Variants in BBX observed in about 807,000 individuals in gnomAD.
BBX encodes HMG box transcription factor BBX.
Under a neutral mutation model 100.2 loss-of-function variants are expected in BBX, and 30 were observed. The observed-to-expected ratio is 0.30, with a 90% CI of 0.22 to 0.41. The LOEUF (loss-of-function observed/expected upper bound fraction) is 0.41, where lower values mean the gene tolerates loss of function less well. BBX is among the 10% of genes least tolerant of loss of function. The pLI is 1.00. For missense variants in BBX, 1,023 were observed against 1,129.8 expected, an observed-to-expected ratio of 0.91 and a Z score of 1.35; for synonymous variants, 376 against 388.1, an observed-to-expected ratio of 0.97 and a Z score of 0.37.
intron 3 of BBX, chr3:107,674,790 A>G (rs1440131468): frequency 2.6e-5 from 4 of 152,622 alleles, no homozygotes; most frequent in African/African-American, 9.7e-5. Flanking sequence ...CACTCCTCAG[A>G]CTTCTGTTAA....
At chr3:107,790,238 GACC>G (rs2107930048) in intron 14 of BBX, among the ~76,000 whole-genome samples, 1 of 152,186 alleles carries the variant, frequency 6.6e-6, no homozygotes, top group South Asian at 2.1e-4. Flanking sequence ...TTCATACCAT[GACC>G]ACATTTTCCT....
At chr3:107,614,268 C>A (rs970550743) in intron 2 of BBX, among the ~76,000 whole-genome samples, 1 of 152,066 alleles carries the variant, frequency 6.6e-6, no homozygotes, top group Non-Finnish European at 1.5e-5. Context: ...AATTTTTAAA[C>A]AGTGAACTTA....
chr3:107,810,179 C>T lies in BBX; in HGVS notation c.*4722C>T, dbSNP rs901434148. On this transcript the variant is annotated 3_prime_UTR_variant, in exon 18 of 18. Coordinates refer to ENST00000325805, the MANE Select transcript of BBX (RefSeq NM_001142568.3). ...ATCCCCATCTGTATGTGCTACCCTT[C>T]CTTCAAATATATAAATGTGCATCTT... The T allele has an allele frequency of 5.3e-5, 8 of 150,336 alleles. No homozygotes were observed. Among genetic ancestry groups the T allele is most frequent in the African/African-American group, 2.0e-4 (8 of 40,656 alleles). 9.3% of individuals were successfully genotyped at this position (150,336 alleles called of 1,614,324 possible).
intron 12 of BBX, among the ~76,000 whole-genome samples, chr3:107,776,629 G>C (rs940210357): frequency 4.4e-4 from 67 of 152,096 alleles, no homozygotes; most frequent in African/African-American, 1.5e-3. Context: ...CTCAGAAAAT[G>C]TGCTACCTGT....
chr3:107,792,270 C>A (rs556324518), intron 15 of BBX, among the ~76,000 whole-genome samples: 1 of 152,272 alleles, frequency 6.6e-6, no homozygotes, highest in East Asian at 1.9e-4. Context: ...TTAGGAGTCA[C>A]TTCATTTGAA....
At chr3:107,724,096 T>C (rs1278297248) in intron 5 of BBX, among the ~76,000 whole-genome samples, 3 of 152,252 alleles carry the variant, frequency 2.0e-5, no homozygotes, top group Non-Finnish European at 4.4e-5. Flanking sequence ...TTTTAATGAT[T>C]GCCATTGTAA....
intron 1 of BBX, among the ~76,000 whole-genome samples, chr3:107,525,821 A>G (rs2047727863): frequency 6.6e-6 from 1 of 150,728 alleles, no homozygotes. Context: ...TGTTTGGGAG[A>G]CGGCAGTGGC....
intron 3 of BBX, among the ~76,000 whole-genome samples, chr3:107,652,791 C>T (rs1181539095): frequency 6.6e-6 from 1 of 152,100 alleles, no homozygotes. Context: ...CTCCTAGGAT[C>T]TTCATATATT....
chr3:107,652,571 A>G (rs909210131), intron 3 of BBX, among the ~76,000 whole-genome samples: 2 of 152,240 alleles, frequency 1.3e-5, no homozygotes, highest in African/African-American at 4.8e-5. Flanking sequence ...TAACATTAAG[A>G]TCAATCTAAT....
At chr3:107,564,546 G>C (rs576698) in intron 2 of BBX, among the ~76,000 whole-genome samples, 1 of 152,074 alleles carries the variant, frequency 6.6e-6, no homozygotes. Context: ...GTTGTGAGAT[G>C]TAGATGAATC....
intron 2 of BBX, among the ~76,000 whole-genome samples, chr3:107,528,645 A>G (rs891466388): frequency 2.6e-5 from 4 of 152,334 alleles, no homozygotes; most frequent in East Asian, 1.9e-4. Context: ...TCATGTAGAC[A>G]TTGAATTTAG....
At chr3:107,561,299 A>T (rs2050477951) in intron 2 of BBX, among the ~76,000 whole-genome samples, 1 of 152,232 alleles carries the variant, frequency 6.6e-6, no homozygotes, top group African/African-American at 2.4e-5. Flanking sequence ...ATTCCAAGTG[A>T]GGACACATTG....
At chr3:107,707,658 A>G (rs946777762) in intron 3 of BBX, among the ~76,000 whole-genome samples, 4 of 152,162 alleles carry the variant, frequency 2.6e-5, no homozygotes, top group East Asian at 1.9e-4. Context: ...CAGAAAAGAC[A>G]TTTTCTCCAA....
chr3:107,658,669 A>G (rs1399500023), intron 3 of BBX, among the ~76,000 whole-genome samples: 1 of 152,054 alleles, frequency 6.6e-6, no homozygotes, highest in Non-Finnish European at 1.5e-5. Flanking sequence ...AATGATGATT[A>G]TGATTAAAAA....
chr3:107,653,565 TA>T (rs2057968758), intron 3 of BBX, among the ~76,000 whole-genome samples: 1 of 152,216 alleles, frequency 6.6e-6, no homozygotes, highest in Non-Finnish European at 1.5e-5. Context: ...TGTTTTGTAT[TA>T]TCTTGTATAA....
intron 13 of BBX, among the ~76,000 whole-genome samples, chr3:107,783,348 C>A (rs1402218986): frequency 6.6e-6 from 1 of 151,958 alleles, no homozygotes; most frequent in Non-Finnish European, 1.5e-5. Flanking sequence ...TTTATATAAG[C>A]TCTTCTGTGT....
At chr3:107,777,585 G>T (rs543810958) in intron 12 of BBX, among the ~76,000 whole-genome samples, 4 of 152,250 alleles carry the variant, frequency 2.6e-5, no homozygotes, top group Non-Finnish European at 5.9e-5. Flanking sequence ...CCAGAAGCCA[G>T]CCTAGGATCC....
rs928168326 is a variant in BBX, at chr3:107,552,760, A to G, written c.-84+26362A>G. On this transcript the variant is annotated intron_variant, in intron 2 of 17. Coordinates refer to ENST00000325805, the MANE Select transcript of BBX (RefSeq NM_001142568.3). ...TAAAGGTTATTTCTTTTGAAGTAAC[A>G]TGACAAATTCTAATATGGTTTCTTC... Among the ~76,000 whole-genome samples the G allele has an allele frequency of 1.3e-4, 20 of 152,218 alleles. 1 individual carries two copies. The highest frequency in any genetic ancestry group is 5.9e-4 in the Admixed American group (9 of 15,288).
Position 107,767,941 on chromosome 3 carries a change from G to A in BBX, c.907-4687G>A, listed in dbSNP as rs186272763. On this transcript the variant is annotated intron_variant, in intron 10 of 17. Coordinates refer to ENST00000325805, the MANE Select transcript of BBX (RefSeq NM_001142568.3). ...AGAGGGAACTGGTAAAGAGGCATCA[G>A]GGTAAGGCAAAGGCAGCTTCTCTTC... 5.9e-5 allele frequency among the ~76,000 whole-genome samples: 9 copies of A among 152,334 alleles called. No homozygotes were observed. In the East Asian group the frequency reaches 1.7e-3, roughly 29 times the overall value.
Sources: allele counts gnomAD v4.1 joint callset (sites outside exome capture counted in the v4.1 genomes callset), GRCh38; gene constraint gnomAD v4.1.1; transcripts MANE v1.5; gene names NCBI Gene and HGNC (gene_info 2026-07-23, HGNC 2026-07-21).